Variants in PRIM1 observed in about 807,000 individuals in gnomAD.
PRIM1 encodes the protein DNA primase subunit 1.
In PRIM1, 38 loss-of-function variants were observed where a neutral mutation model predicts 60.2. The ratio of observed to expected loss-of-function variants is 0.63; its 90% CI spans 0.49 to 0.83. PRIM1 has a LOEUF of 0.83. Ranked by LOEUF, PRIM1 falls within the 40% of genes least tolerant of loss-of-function variation. The probability of loss-of-function intolerance (pLI) is 0.00; values close to 1 mark genes in which losing one functional copy is unlikely to be tolerated. For synonymous variants in PRIM1, 158 were observed against 160.2 expected (o/e 0.99, Z 0.10); for missense variants, 388 against 506.2 (o/e 0.77, Z 2.24).
intron 6 of PRIM1, among the ~76,000 whole-genome samples, 178 bp from the exon 7 acceptor site, chr12:56,743,274 T>C (rs1044919372): frequency 6.6e-6 from 1 of 152,190 alleles, no homozygotes; most frequent in African/African-American, 2.4e-5. Flanking sequence ...GAGACACTTT[T>C]AAGGGAAAAG....
intron 11 of PRIM1, among the ~76,000 whole-genome samples, chr12:56,737,627 G>A (rs979964766): frequency 6.6e-6 from 1 of 152,156 alleles, no homozygotes; most frequent in African/African-American, 2.4e-5. Flanking sequence ...GGGATTACAG[G>A]TGTGAGCCAT....
At chr12:56,736,298 T>TAAAA (rs756452647) in intron 11 of PRIM1, among the ~76,000 whole-genome samples, 954 of 24,294 alleles carry the variant, frequency 0.039, 233 homozygotes, top group African/African-American at 0.1. Context: ...ACTCTTTCTC[T>TAAAA]AAAAAAAAAA....
intron 11 of PRIM1, 80 bp from the exon 12 acceptor site, chr12:56,734,325 G>A: frequency 1.2e-6 from 1 of 828,926 alleles, no homozygotes; most frequent in Non-Finnish European, 1.9e-6. Flanking sequence ...TTTCTTATAA[G>A]AATTCTCTAG....
chr12:56,743,174 G>A, intron 6 of PRIM1, 78 bp from the exon 7 acceptor site: 1 of 1,386,558 alleles, frequency 7.2e-7, no homozygotes, highest in Non-Finnish European at 9.3e-7. Context: ...TGCCATTGTG[G>A]GGAAAACTAC....
intron 2 of PRIM1, among the ~76,000 whole-genome samples, chr12:56,749,386 A>C (rs1953930671): frequency 6.6e-6 from 1 of 152,212 alleles, no homozygotes; most frequent in Non-Finnish European, 1.5e-5. Context: ...CAAAAATCAC[A>C]AAACAAAACA....
chr12:56,740,597 T>C (rs1361860630), intron 9 of PRIM1, among the ~76,000 whole-genome samples: 1 of 151,972 alleles, frequency 6.6e-6, no homozygotes, highest in African/African-American at 2.4e-5. Context: ...CTGGGCAACA[T>C]GGCAAAACCC....
At chr12:56,749,976 A>G (rs1298066776) in intron 2 of PRIM1, among the ~76,000 whole-genome samples, 3 of 152,016 alleles carry the variant, frequency 2.0e-5, no homozygotes, top group Admixed American at 6.6e-5. Context: ...GGGTGGGAGG[A>G]GTGGCAGGTT....
Position 56,738,482 on chromosome 12 carries a change from C to T in PRIM1, c.1096G>A (p.Glu366Lys), listed in dbSNP as rs767715856. The T allele has an allele frequency of 1.9e-5, 30 of 1,587,464 alleles. 1 individual carries two copies. The South Asian group carries it at 3.3e-4, about 18-fold the overall frequency. Reference protein sequence around the residue: ...ELDAISTNEEEKEENEAESDV... With the variant: ...ELDAISTNEEKKEENEAESDV... ...GATTCAGCTTCATTCTCCTCTTTTT[C>T]CTCTTCATTAGTGGAAATGGCATCC... Residue 366 changes from glutamate to lysine, a missense_variant, in exon 11 of 13, where the codon GAA (glutamate) becomes AAA (lysine). Glu to Lys is a moderately conservative substitution (Grantham distance 56, BLOSUM62 1). Around this residue, in one of 3 missense-constraint regions of PRIM1, gnomAD observed 211 missense variants for 277.9 expected, o/e 0.76. Transcript: ENST00000338193.
chr12:56,746,525 G>A (rs1953908126), intron 4 of PRIM1: 1 of 568,928 alleles, frequency 1.8e-6, no homozygotes, highest in East Asian at 3.2e-5. Context: ...CAGCTACTCA[G>A]GAGGCTGAGG....
At chr12:56,741,344 CATT>C in intron 9 of PRIM1, 88 bp downstream of exon 9, 2 of 1,308,744 alleles carry the variant, frequency 1.5e-6, no homozygotes, top group Non-Finnish European at 2.1e-6. Flanking sequence ...AAATCATAGA[CATT>C]ATATATATTC....
chr12:56,737,830 T>A (rs1351615987), intron 11 of PRIM1, among the ~76,000 whole-genome samples: 2 of 152,214 alleles, frequency 1.3e-5, no homozygotes, highest in Non-Finnish European at 2.9e-5. Flanking sequence ...GTTCAAGCGA[T>A]TCTCCTGACT....
At chr12:56,747,280 G>A (rs1030209789) in intron 2 of PRIM1, among the ~76,000 whole-genome samples, 1 of 152,150 alleles carries the variant, frequency 6.6e-6, no homozygotes, top group Non-Finnish European at 1.5e-5. Flanking sequence ...GGTCAATAAG[G>A]ATAATAATAA....
chr12:56,746,385 C>T (rs922472888), intron 4 of PRIM1: 1 of 727,608 alleles, frequency 1.4e-6, no homozygotes, highest in East Asian at 2.9e-5. Context: ...GTAATCCCAG[C>T]ACTCTGGGAG....
At chr12:56,744,281 G>A (rs1272220101) in intron 5 of PRIM1, among the ~76,000 whole-genome samples, 158 bp from the exon 6 acceptor site, 1 of 152,066 alleles carries the variant, frequency 6.6e-6, no homozygotes, top group Non-Finnish European at 1.5e-5. Flanking sequence ...GAGGTGGGTG[G>A]ATCACCTGAG....
Position 56,734,260 on chromosome 12 carries a change from A to G in PRIM1, c.1145-15T>C. On this transcript the variant is annotated splice_polypyrimidine_tract_variant and intron_variant, in intron 11 of 12. Coordinates refer to ENST00000338193, the MANE Select transcript of PRIM1 (RefSeq NM_000946.3). ...CTTCTTATAATCTAAATTATGAAGA[A>G]TGTACATTATAATTAGCATACTGGC... is the stretch of plus-strand genomic sequence containing the variant. The G allele has an allele frequency of 6.8e-7, 1 of 1,462,270 alleles. No individual in the cohort carries two copies. Among genetic ancestry groups the G allele is most frequent in the Non-Finnish European group, 9.4e-7 (1 of 1,060,152 alleles). 90.6% of individuals were successfully genotyped at this position (1,462,270 alleles called of 1,614,324 possible).
chr12:56,738,605 G>A, intron 10 of PRIM1, 80 bp from the exon 11 acceptor site: 11 of 1,435,034 alleles, frequency 7.7e-6, no homozygotes, highest in South Asian at 1.3e-5. Flanking sequence ...AGGCCGGAGT[G>A]TGGTGGTGCG....
intron 11 of PRIM1, 66 bp downstream of exon 11, chr12:56,738,368 G>T: frequency 6.6e-6 from 10 of 1,521,312 alleles, no homozygotes; most frequent in Non-Finnish European, 8.8e-6. Context: ...TTAATTACTG[G>T]AGTGACAGAT....
At chr12:56,737,854 A>T (rs1953844432) in intron 11 of PRIM1, among the ~76,000 whole-genome samples, 1 of 152,128 alleles carries the variant, frequency 6.6e-6, no homozygotes, top group African/African-American at 2.4e-5. Flanking sequence ...CTTCCCGAGT[A>T]GCTGGGATTA....
chr12:56,746,931 A>G lies in PRIM1; in HGVS notation c.363T>C (p.Cys121=). 2 of 1,613,568 alleles carry G rather than the reference A, an allele frequency of 1.2e-6. No homozygotes were observed. Among genetic ancestry groups the G allele is most frequent in the Non-Finnish European group, 1.7e-6 (2 of 1,179,636 alleles). ...GCAAGACACACAGTGCTCACCTACA[A>G]CATCTCCTCACATCGTCATAGTCTG... The part of the protein sequence containing the change: ...DMTDYDDVRR[C]CSSADICPKC... The change falls in exon 3 of 13, where the codon TGT becomes TGC. Residue 121 remains cysteine, a synonymous_variant. Coordinates refer to ENST00000338193, the MANE Select transcript of PRIM1 (RefSeq NM_000946.3).
Sources: gnomAD v4.1 joint callset for allele counts (sites outside exome capture counted in the v4.1 genomes callset) on GRCh38, gnomAD v4.1.1 for gene constraint, gnomAD v4.1.1 regional missense constraint, MANE v1.5 for transcripts, NCBI Gene and HGNC (gene_info 2026-07-23, HGNC 2026-07-21) for gene names.